EXOC6B: variants seen among roughly 807,000 people sequenced by gnomAD.
The protein encoded by EXOC6B is SEC15 homolog B.
EXOC6B carries 54 observed loss-of-function variants against 113.5 expected under a neutral mutation model. The observed-to-expected ratio is 0.48, with a 90% confidence interval of 0.38 to 0.60. The LOEUF is 0.60. Ranked by LOEUF, EXOC6B falls within the 20% of genes least tolerant of loss-of-function variation. EXOC6B has a pLI of 0.00. For missense variants in EXOC6B, 797 were observed against 977.5 expected (o/e 0.82, Z 2.46); for synonymous variants, 357 against 339.0 (o/e 1.05, Z -0.58).
intron 19 of EXOC6B, among the ~76,000 whole-genome samples, chr2:72,337,007 CAA>C (rs56915816): frequency 1.7e-4 from 15 of 90,290 alleles, no homozygotes; most frequent in Admixed American, 1.3e-4. Context: ...AACTCAGTCT[CAA>C]AAAAAAAAAA....
intron 18 of EXOC6B, among the ~76,000 whole-genome samples, chr2:72,453,079 C>CA (rs1697003817): frequency 6.6e-6 from 1 of 151,992 alleles, no homozygotes. Flanking sequence ...TTTACTGTAG[C>CA]AAAAAGAGTA....
intron 6 of EXOC6B, among the ~76,000 whole-genome samples, chr2:72,683,251 AAC>A (rs1156811482): frequency 9.2e-5 from 14 of 152,290 alleles, no homozygotes; most frequent in Admixed American, 9.2e-4. Context: ...CACCTTCCTC[AAC>A]CCTGCCCGCT....
chr2:72,613,816 T>C (rs1388491588), intron 6 of EXOC6B, among the ~76,000 whole-genome samples: 2 of 151,874 alleles, frequency 1.3e-5, no homozygotes, highest in Non-Finnish European at 2.9e-5. Context: ...GGCCTATAGC[T>C]GGGGTCAGGA....
intron 20 of EXOC6B, among the ~76,000 whole-genome samples, chr2:72,285,601 T>C (rs1685379769): frequency 6.6e-6 from 1 of 152,020 alleles, no homozygotes; most frequent in Non-Finnish European, 1.5e-5. Flanking sequence ...TAGATATGAC[T>C]CCAAAGGCAC....
intron 1 of EXOC6B, among the ~76,000 whole-genome samples, chr2:72,821,651 C>G (rs963387328): frequency 2.0e-5 from 3 of 152,060 alleles, no homozygotes; most frequent in Non-Finnish European, 4.4e-5. Context: ...AAATTAAGTA[C>G]TGATACATGC....
chr2:72,818,411 T>C (rs1041937314), intron 1 of EXOC6B, among the ~76,000 whole-genome samples: 2 of 147,782 alleles, frequency 1.4e-5, no homozygotes, highest in African/African-American at 5.0e-5. Context: ...TCCGCCCGCC[T>C]CGGCCTCCCA....
intron 11 of EXOC6B, among the ~76,000 whole-genome samples, chr2:72,512,411 GGAAGGAAGGAAGGAAA>G (rs1700983562): frequency 6.9e-5 from 7 of 101,216 alleles, no homozygotes; most frequent in African/African-American, 2.3e-4. Flanking sequence ...AAGGAAGGAA[GGAAGGAAGGAAGGAAA>G]GAAGGAAGGA....
intron 6 of EXOC6B, among the ~76,000 whole-genome samples, chr2:72,692,121 A>G (rs1677529885): frequency 1.3e-5 from 2 of 152,154 alleles, no homozygotes; most frequent in African/African-American, 4.8e-5. Context: ...CACACATAGA[A>G]TAAGTTAATG....
At chr2:72,184,899 T>G (rs1678324295) in intron 20 of EXOC6B, among the ~76,000 whole-genome samples, 1 of 152,178 alleles carries the variant, frequency 6.6e-6, no homozygotes, top group Admixed American at 6.5e-5. Context: ...AGAGTCTAGC[T>G]AGAATTGGGT....
intron 18 of EXOC6B, among the ~76,000 whole-genome samples, chr2:72,401,049 A>G (rs1693113793): frequency 6.6e-6 from 1 of 152,062 alleles, no homozygotes; most frequent in Non-Finnish European, 1.5e-5. Context: ...CTAAGTGTCC[A>G]TCAACAGAAG....
At chr2:72,436,837 G>T (rs532304982) in intron 18 of EXOC6B, among the ~76,000 whole-genome samples, 3 of 151,980 alleles carry the variant, frequency 2.0e-5, no homozygotes, top group Non-Finnish European at 2.9e-5. Context: ...CCTTTCATTG[G>T]GTTAGATCAT....
At chr2:72,784,749 T>C (rs1458082501) in intron 1 of EXOC6B, among the ~76,000 whole-genome samples, 1 of 152,180 alleles carries the variant, frequency 6.6e-6, no homozygotes, top group Non-Finnish European at 1.5e-5. Context: ...GAGATACAAC[T>C]GAAGTTGAGA....
At chr2:72,300,285 G>A (rs1287403840) in intron 20 of EXOC6B, among the ~76,000 whole-genome samples, 2 of 152,098 alleles carry the variant, frequency 1.3e-5, no homozygotes, top group African/African-American at 4.8e-5. Flanking sequence ...GGTGGGTTCC[G>A]CCCAGTTGGA....
chr2:72,366,497 G>A (rs1336563979), intron 19 of EXOC6B, among the ~76,000 whole-genome samples: 1 of 152,000 alleles, frequency 6.6e-6, no homozygotes, highest in Non-Finnish European at 1.5e-5. Flanking sequence ...GGAAGTTTCA[G>A]ACACAAAGGA....
intron 18 of EXOC6B, among the ~76,000 whole-genome samples, chr2:72,436,915 C>T (rs2105318238): frequency 6.6e-6 from 1 of 152,238 alleles, no homozygotes. Context: ...ATTCATCAAA[C>T]TCATTCTCCA....
intron 2 of EXOC6B, among the ~76,000 whole-genome samples, chr2:72,734,297 G>A (rs1305647207): frequency 6.6e-6 from 1 of 152,124 alleles, no homozygotes; most frequent in African/African-American, 2.4e-5. Flanking sequence ...TACCAGAAAG[G>A]GAGGCAAGAA....
intron 1 of EXOC6B, among the ~76,000 whole-genome samples, chr2:72,786,412 T>C (rs187010976): frequency 6.6e-6 from 1 of 152,190 alleles, no homozygotes; most frequent in Non-Finnish European, 1.5e-5. Context: ...CAAAATACTA[T>C]CCCTCCTTTC....
At chr2:72,217,379 C>T (rs1304196903) in intron 20 of EXOC6B, among the ~76,000 whole-genome samples, 1 of 152,170 alleles carries the variant, frequency 6.6e-6, no homozygotes, top group African/African-American at 2.4e-5. Context: ...CCAAGTCAGA[C>T]TTCTAAACTC....
chr2:72,314,867 A>G (rs1306696005), intron 20 of EXOC6B, among the ~76,000 whole-genome samples: 1 of 152,234 alleles, frequency 6.6e-6, no homozygotes, highest in Admixed American at 6.5e-5. Context: ...CTGAAGGCCT[A>G]CCATGTATTA....
Sources: gnomAD v4.1 joint callset for allele counts (sites outside exome capture counted in the v4.1 genomes callset) on GRCh38, gnomAD v4.1.1 for gene constraint, MANE v1.5 for transcripts, NCBI Gene and HGNC (gene_info 2026-07-23, HGNC 2026-07-21) for gene names.